Variants in BICDL1 observed in about 807,000 individuals in gnomAD.
The protein encoded by BICDL1 is BICD family like cargo adaptor 1.
BICDL1 carries 20 observed loss-of-function variants against 76.8 expected under a neutral mutation model. The ratio of observed to expected loss-of-function variants is 0.26; its 90% CI spans 0.18 to 0.38. BICDL1 has a LOEUF of 0.38. Ranked by LOEUF, BICDL1 falls within the 10% of genes least tolerant of loss-of-function variation. The pLI, the probability that BICDL1 is intolerant of heterozygous loss-of-function variation, is 1.00. For missense variants in BICDL1, 700 were observed against 798.6 expected (o/e 0.88, Z 1.49); for synonymous variants, 383 against 337.1 (o/e 1.14, Z -1.49).
At position 120,041,818 on chromosome 12, in the gene BICDL1, A is replaced by G. The variant is rs190443346; in HGVS notation, c.646-19892A>G. Among the ~76,000 whole-genome samples the G allele has an allele frequency of 7.4e-4, 112 of 152,336 alleles. 1 individual carries two copies. In the East Asian group the frequency reaches 0.019, roughly 26 times the overall value. On this transcript the variant is annotated intron_variant, in intron 2 of 9. Transcript: ENST00000548673. The stretch of plus-strand genomic sequence containing the variant: ...GTCTGAGGGCAGCAAGTAGGCCAGT[A>G]TGAGTGGAACAAAGAGAATGCAGCG...
At chr12:120,091,114 T>C (rs1444294346) in intron 9 of BICDL1, 4 of 1,262,372 alleles carry the variant, frequency 3.2e-6, no homozygotes, top group East Asian at 1.1e-4. Context: ...TTCTGTGTGC[T>C]GGAGCCTGGC....
chr12:120,065,804 T>TG (rs1566255115), intron 4 of BICDL1, among the ~76,000 whole-genome samples: 1 of 152,210 alleles, frequency 6.6e-6, no homozygotes, highest in African/African-American at 2.4e-5. Context: ...TTGAAAGCCT[T>TG]GGGGTATGGG....
At position 120,072,652 on chromosome 12, in the gene BICDL1, C is replaced by T. The variant is rs754241625; in HGVS notation, c.1231C>T (p.Pro411Ser). The change falls in exon 6 of 10, where the codon CCA becomes TCA. Residue 411 changes from proline to serine, a missense_variant. Physicochemically the swap from Pro to Ser is moderately conservative, Grantham distance 74. Around this residue, in one of 3 missense-constraint regions of BICDL1, gnomAD observed 455 missense variants for 548.7 expected, o/e 0.83. Coordinates refer to ENST00000548673, the MANE Select transcript of BICDL1 (RefSeq NM_001367886.1). The stretch of plus-strand genomic sequence containing the variant: ...AGAAACCTCGTCCGCCAAGGATGTG[C>T]CAGCCGGCAGCTTGCGCACTGCCCT... ...SSETSSAKDV[P>S]AGSLRTALNE... 5.7e-5 allele frequency: 92 copies of T among 1,614,024 alleles called. No homozygotes were observed. Among genetic ancestry groups the T allele is most frequent in the Non-Finnish European group, 7.0e-5 (83 of 1,180,046 alleles).
intron 9 of BICDL1, chr12:120,091,053 C>T (rs1418227934): frequency 1.4e-5 from 18 of 1,288,570 alleles, no homozygotes; most frequent in South Asian, 3.7e-5. Context: ...TCCACCGTCT[C>T]GCCCTGCCAT....
intron 2 of BICDL1, among the ~76,000 whole-genome samples, chr12:120,020,549 A>G (rs1175197740): frequency 6.6e-6 from 1 of 152,092 alleles, no homozygotes; most frequent in Non-Finnish European, 1.5e-5. Context: ...TAACCAAATA[A>G]CTCTAGGTGA....
intron 1 of BICDL1, among the ~76,000 whole-genome samples, chr12:119,992,077 A>G (rs1380577357): frequency 6.6e-6 from 1 of 152,252 alleles, no homozygotes; most frequent in Non-Finnish European, 1.5e-5. Context: ...TATACTTAAC[A>G]TATACTTACA....
intron 2 of BICDL1, among the ~76,000 whole-genome samples, chr12:120,010,126 G>A (rs1247282010): frequency 6.6e-6 from 1 of 152,216 alleles, no homozygotes; most frequent in Non-Finnish European, 1.5e-5. Context: ...TGCCAGCTTT[G>A]CCTGAATGTG....
At chr12:120,051,317 A>G (rs1952855560) in intron 2 of BICDL1, among the ~76,000 whole-genome samples, 1 of 152,212 alleles carries the variant, frequency 6.6e-6, no homozygotes, top group African/African-American at 2.4e-5. Context: ...AAGTGCTGGG[A>G]TTACAGGCGT....
At chr12:119,995,041 T>C (rs1034857939) in intron 1 of BICDL1, among the ~76,000 whole-genome samples, 1 of 152,208 alleles carries the variant, frequency 6.6e-6, no homozygotes, top group East Asian at 1.9e-4. Flanking sequence ...TTTGTGTCAC[T>C]TTAGGCTCCT....
intron 2 of BICDL1, among the ~76,000 whole-genome samples, chr12:120,007,026 AG>A (rs1203423508): frequency 6.6e-6 from 1 of 152,144 alleles, no homozygotes; most frequent in Non-Finnish European, 1.5e-5. Flanking sequence ...TATGTTTTGA[AG>A]GTAGAACTGA....
chr12:120,044,007 T>G (rs1952697531), intron 2 of BICDL1, among the ~76,000 whole-genome samples: 1 of 152,178 alleles, frequency 6.6e-6, no homozygotes, highest in East Asian at 1.9e-4. Flanking sequence ...ATAATGGCAA[T>G]ATGGAAGTTA....
intron 1 of BICDL1, among the ~76,000 whole-genome samples, chr12:119,997,760 TA>T (rs1951679728): frequency 6.6e-6 from 1 of 152,084 alleles, no homozygotes. Flanking sequence ...AATTCTGTGA[TA>T]GTAAGAATCT....
chr12:120,027,023 A>ATTCC (rs1555285375), intron 2 of BICDL1, among the ~76,000 whole-genome samples: 5 of 137,258 alleles, frequency 3.6e-5, no homozygotes, highest in Non-Finnish European at 3.1e-5. Context: ...TAATGATGTA[A>ATTCC]TTTCTTTTTT....
At chr12:120,091,829 G>A (rs940917577) in intron 9 of BICDL1, 9 of 985,364 alleles carry the variant, frequency 9.1e-6, no homozygotes, top group Non-Finnish European at 9.6e-6. Context: ...CAGATGGAGG[G>A]GCCCAGCCAG....
At chr12:119,994,795 C>CT (rs1951604005) in intron 1 of BICDL1, among the ~76,000 whole-genome samples, 1 of 152,088 alleles carries the variant, frequency 6.6e-6, no homozygotes, top group Non-Finnish European at 1.5e-5. Flanking sequence ...GCCATAGACT[C>CT]TATTTTTTAA....
chr12:120,029,848 C>T (rs1236478909), intron 2 of BICDL1, among the ~76,000 whole-genome samples: 2 of 152,096 alleles, frequency 1.3e-5, no homozygotes, highest in African/African-American at 2.4e-5. Context: ...GGTTTCGCCA[C>T]ATTGGCCAGG....
At chr12:120,056,539 T>C (rs1952976279) in intron 2 of BICDL1, among the ~76,000 whole-genome samples, 1 of 152,120 alleles carries the variant, frequency 6.6e-6, no homozygotes, top group East Asian at 1.9e-4. Flanking sequence ...ACCAACGTGG[T>C]GAAACCCTGT....
chr12:120,013,292 G>A (rs563876882), intron 2 of BICDL1, among the ~76,000 whole-genome samples: 22 of 148,088 alleles, frequency 1.5e-4, no homozygotes, highest in African/African-American at 5.6e-4. Context: ...CCAGCCTGGG[G>A]GACAGAGCAA....
intron 5 of BICDL1, among the ~76,000 whole-genome samples, chr12:120,072,243 G>A (rs995365932): frequency 6.6e-6 from 1 of 152,130 alleles, no homozygotes; most frequent in African/African-American, 2.4e-5. Flanking sequence ...CAAAATAACT[G>A]ATTATATAAA....
Sources: allele counts gnomAD v4.1 joint callset (sites outside exome capture counted in the v4.1 genomes callset), GRCh38; gene constraint gnomAD v4.1.1; regional missense constraint gnomAD v4.1.1; transcripts MANE v1.5; gene names NCBI Gene and HGNC (gene_info 2026-07-23, HGNC 2026-07-21).